Variants in RIMS1 observed in about 807,000 individuals in gnomAD.
RIMS1 encodes regulating synaptic membrane exocytosis protein 1.
A neutral mutation model predicts 214.1 loss-of-function variants in RIMS1; 83 were observed. That is an observed-to-expected ratio of 0.39 (90% CI 0.32 to 0.47). The LOEUF is 0.47. Among genes scored for constraint, RIMS1 ranks in the 20% least tolerant of loss-of-function variants. The probability of loss-of-function intolerance (pLI) is 0.99; values close to 1 mark genes in which losing one functional copy is unlikely to be tolerated. For missense variants in RIMS1, 2,050 were observed against 2,161.8 expected (o/e 0.95, Z 1.03); for synonymous variants, 793 against 786.8 (o/e 1.01, Z -0.13).
At chr6:72,310,448 A>G (rs1401437668) in intron 27 of RIMS1, among the ~76,000 whole-genome samples, 3 of 152,050 alleles carry the variant, frequency 2.0e-5, no homozygotes, top group Non-Finnish European at 4.4e-5. Context: ...CTTAATGATG[A>G]AGTGAAATTC....
intron 2 of RIMS1, among the ~76,000 whole-genome samples, chr6:71,990,864 T>C (rs951009738): frequency 6.6e-6 from 1 of 152,068 alleles, no homozygotes; most frequent in Admixed American, 6.5e-5. Flanking sequence ...CATTTCGAGT[T>C]TGATAGTGGT....
At chr6:72,103,069 A>G (rs1004941153) in intron 4 of RIMS1, among the ~76,000 whole-genome samples, 4 of 152,098 alleles carry the variant, frequency 2.6e-5, no homozygotes, top group African/African-American at 9.6e-5. Flanking sequence ...GAAAAATAAC[A>G]TAGGTCTATA....
intron 2 of RIMS1, among the ~76,000 whole-genome samples, chr6:71,985,018 A>C (rs1195166287): frequency 6.6e-6 from 1 of 152,146 alleles, no homozygotes; most frequent in Non-Finnish European, 1.5e-5. Context: ...GAGACAGCCC[A>C]TACTAGCTTG....
chr6:72,080,786 C>G (rs752498178), intron 2 of RIMS1, among the ~76,000 whole-genome samples: 4 of 152,186 alleles, frequency 2.6e-5, no homozygotes, highest in African/African-American at 4.8e-5. Context: ...TCCCTCACCT[C>G]CTTCAGGTCT....
At chr6:72,222,538 C>G (rs914260155) in intron 6 of RIMS1, among the ~76,000 whole-genome samples, 16 of 152,014 alleles carry the variant, frequency 1.1e-4, no homozygotes, top group African/African-American at 3.9e-4. Flanking sequence ...TATGTTTCTG[C>G]TTTTTGTTGC....
rs373731318 is a variant in RIMS1, at chr6:72,305,376, G to A, written c.3851-1882G>A. Among the ~76,000 whole-genome samples the A allele has an allele frequency of 4.6e-5, 7 of 152,204 alleles. No individual in the cohort carries two copies. The South Asian group carries it at 6.2e-4, about 14-fold the overall frequency. On this transcript the variant is annotated intron_variant, in intron 26 of 33. Coordinates refer to ENST00000521978, the MANE Select transcript of RIMS1 (RefSeq NM_014989.7). ...TTAAATAAAGTTAATATCATTTTAT[G>A]AGAATAGTTAAGCTAACACCATTTA... is the stretch of plus-strand genomic sequence containing the variant.
chr6:71,915,975 G>A (rs1467513993), intron 1 of RIMS1, among the ~76,000 whole-genome samples: 1 of 151,980 alleles, frequency 6.6e-6, no homozygotes, highest in East Asian at 1.9e-4. Context: ...CATGAGACCA[G>A]CCAGGGAAAG....
chr6:72,202,156 A>T (rs1360684333), intron 6 of RIMS1, among the ~76,000 whole-genome samples: 1 of 152,192 alleles, frequency 6.6e-6, no homozygotes, highest in Non-Finnish European at 1.5e-5. Flanking sequence ...AATTCCAGTA[A>T]ACCCTTCTGA....
intron 2 of RIMS1, among the ~76,000 whole-genome samples, chr6:71,993,340 G>A (rs910831433): frequency 3.9e-5 from 6 of 152,164 alleles, no homozygotes; most frequent in African/African-American, 1.4e-4. Flanking sequence ...TCAACACTAT[G>A]TAGAGAGGAA....
chr6:72,316,603 C>T, intron 28 of RIMS1: 2 of 442,644 alleles, frequency 4.5e-6, no homozygotes, highest in Non-Finnish European at 8.7e-6. Flanking sequence ...GCCTCACAGG[C>T]TGCACCAAGA....
intron 2 of RIMS1, among the ~76,000 whole-genome samples, chr6:72,081,886 CA>C (rs1481924310): frequency 6.6e-6 from 1 of 152,094 alleles, no homozygotes; most frequent in Non-Finnish European, 1.5e-5. Flanking sequence ...TGCATATTAA[CA>C]ATGTATTTTA....
In RIMS1 at chr6:71,999,664, G is replaced by A. The variant is rs531569289; in HGVS notation, c.245+30601G>A. Among the ~76,000 whole-genome samples, 8 of 152,120 alleles carry A rather than the reference G, an allele frequency of 5.3e-5. No homozygotes were observed. The South Asian group carries it at 8.3e-4, about 16-fold the overall frequency. ...GTGTAATTCTTTGGTAATTAAAATCGTCCACCTTTAATAATATTTAATGCA... is the reference window on the plus strand; with the variant it reads ...GTGTAATTCTTTGGTAATTAAAATCATCCACCTTTAATAATATTTAATGCA... On this transcript the variant is annotated intron_variant, in intron 2 of 33. Coordinates refer to ENST00000521978, the MANE Select transcript of RIMS1 (RefSeq NM_014989.7).
chr6:72,247,143 A>G (rs1025839308), intron 11 of RIMS1, among the ~76,000 whole-genome samples: 1 of 152,190 alleles, frequency 6.6e-6, no homozygotes, highest in Non-Finnish European at 1.5e-5. Flanking sequence ...GTGTCAGGGT[A>G]TACTTGGAAC....
At chr6:72,356,241 C>T (rs974681622) in intron 29 of RIMS1, among the ~76,000 whole-genome samples, 3 of 151,630 alleles carry the variant, frequency 2.0e-5, no homozygotes, top group Non-Finnish European at 2.9e-5. Flanking sequence ...CACTAAGCTT[C>T]AAGAAGACTT....
intron 2 of RIMS1, among the ~76,000 whole-genome samples, chr6:71,971,674 T>C (rs1191742741): frequency 6.6e-6 from 1 of 152,146 alleles, no homozygotes. Context: ...CTCACAATCA[T>C]GCTGGAAGGT....
intron 10 of RIMS1, among the ~76,000 whole-genome samples, chr6:72,245,409 T>C (rs4256397): frequency 0.7 from 106,832 of 151,926 alleles, 38,417 homozygotes; most frequent in East Asian, 0.98. Flanking sequence ...CCCTTTCACT[T>C]GGTAAACTCT....
chr6:72,134,791 G>A (rs781569348), intron 4 of RIMS1, among the ~76,000 whole-genome samples: 2 of 151,948 alleles, frequency 1.3e-5, no homozygotes, highest in African/African-American at 4.8e-5. Flanking sequence ...TTCTAAAAAA[G>A]AAATAAAAAT....
chr6:72,142,569 C>A (rs1221449851), intron 4 of RIMS1, among the ~76,000 whole-genome samples: 10 of 152,058 alleles, frequency 6.6e-5, no homozygotes, highest in Non-Finnish European at 1.5e-5. Flanking sequence ...TGAGTGGTCA[C>A]AGACTGATCT....
intron 16 of RIMS1, among the ~76,000 whole-genome samples, chr6:72,256,703 T>A (rs1194954388): frequency 1.3e-5 from 2 of 150,608 alleles, no homozygotes; most frequent in Non-Finnish European, 3.0e-5. Flanking sequence ...TTTTTTACAA[T>A]GAGCTATGTA....
Sources: allele counts gnomAD v4.1 joint callset (sites outside exome capture counted in the v4.1 genomes callset), GRCh38; gene constraint gnomAD v4.1.1; transcripts MANE v1.5; gene names NCBI Gene and HGNC (gene_info 2026-07-23, HGNC 2026-07-21).